The following ODF2L variants were observed in gnomAD, a reference collection of about 807,000 sequenced individuals.
ODF2L encodes protein BCAP.
A neutral mutation model predicts 86.3 loss-of-function variants in ODF2L; 76 were observed. That is an observed-to-expected ratio of 0.88 (90% CI 0.73 to 1.07). The LOEUF (loss-of-function observed/expected upper bound fraction) is 1.07, where lower values mean the gene tolerates loss of function less well. ODF2L is among the 50% of genes least tolerant of loss of function. The pLI is 0.00. For synonymous variants in ODF2L, 241 were observed against 231.3 expected, an observed-to-expected ratio of 1.04 and a Z score of -0.38; for missense variants, 748 against 717.4, an observed-to-expected ratio of 1.04 and a Z score of -0.49.
chr1:86,386,421 G>GCT (rs1034992180), intron 2 of ODF2L: 2 of 141,208 alleles, frequency 1.4e-5, no homozygotes, highest in African/African-American at 5.7e-5. Context: ...TGTCACCCAG[G>GCT]CTCTGTCACC....
intron 13 of ODF2L, chr1:86,357,491 TA>T (rs1281167128): frequency 6.5e-6 from 1 of 153,008 alleles, no homozygotes; most frequent in Non-Finnish European, 1.4e-5. Context: ...TTTCATTAAT[TA>T]AAAAAATATT....
At chr1:86,354,466 A>G in intron 16 of ODF2L, 64 bp downstream of exon 15, 1 of 1,039,750 alleles carries the variant, frequency 9.6e-7, no homozygotes, top group Non-Finnish European at 1.4e-6. Flanking sequence ...AGGTTGCAAG[A>G]TGTTTAAAAA....
chr1:86,394,617 GCAGACCGCGAC>G (rs888474224), intron 1 of ODF2L, among the ~76,000 whole-genome samples: 6 of 152,062 alleles, frequency 3.9e-5, no homozygotes, highest in African/African-American at 1.4e-4. Context: ...AAGAGAGAGA[GCAGACCGCGAC>G]CAGATCACTA....
intron 16 of ODF2L, among the ~76,000 whole-genome samples, chr1:86,353,691 T>C (rs1472724684): frequency 6.6e-6 from 1 of 152,084 alleles, no homozygotes; most frequent in Non-Finnish European, 1.5e-5. Flanking sequence ...ATGAACTCGG[T>C]TCTAAGTTAT....
In ODF2L at chr1:86,360,458, GT is replaced by G. The variant is rs761049141; in HGVS notation, c.1221del (p.Lys407AsnfsTer22). On this transcript the variant is annotated frameshift_variant, in exon 12 of 18. Coordinates refer to ENST00000317336, the Ensembl canonical transcript of ODF2L. LOFTEE classifies it high-confidence loss of function. Reference sequence around the variant, plus strand: ...TTATACATTTCAATAAGGGTTTTCTGTTTTTTTTCTACTTCTTGCAATTCTG... The same window carrying G: ...TTATACATTTCAATAAGGGTTTTCTGTTTTTTTCTACTTCTTGCAATTCTG... The G allele has an allele frequency of 2.0e-5, 31 of 1,577,438 alleles. No homozygotes were observed. Among genetic ancestry groups the G allele is most frequent in the African/African-American group, 1.9e-4 (14 of 73,762 alleles).
chr1:86,367,526 T>C (rs1570384737), intron 11 of ODF2L, among the ~76,000 whole-genome samples: 1 of 123,608 alleles, frequency 8.1e-6, no homozygotes, highest in South Asian at 2.5e-4. Context: ...CTTCAGAGAA[T>C]AGAGATAGGA....
At chr1:86,353,864 G>T (rs555514890) in intron 16 of ODF2L, among the ~76,000 whole-genome samples, 1 of 152,168 alleles carries the variant, frequency 6.6e-6, no homozygotes, top group African/African-American at 2.4e-5. Context: ...GCACTCTCAC[G>T]TGGGCAGAAA....
intron 11 of ODF2L, among the ~76,000 whole-genome samples, chr1:86,362,616 C>T (rs551118434): frequency 2.6e-5 from 4 of 152,002 alleles, no homozygotes; most frequent in Admixed American, 2.0e-4. Context: ...GTGAAGGACA[C>T]GTCAGAACTC....
At chr1:86,370,531 T>C (rs1659718697) in intron 10 of ODF2L, among the ~76,000 whole-genome samples, 1 of 152,188 alleles carries the variant, frequency 6.6e-6, no homozygotes, top group South Asian at 2.1e-4. Flanking sequence ...TCTGGTTGTA[T>C]GTATCTCTGG....
intron 11 of ODF2L, chr1:86,360,961 G>A (rs1040351505): frequency 7.9e-5 from 12 of 152,196 alleles, no homozygotes; most frequent in African/African-American, 2.9e-4. Flanking sequence ...AAAAAAACAG[G>A]TTAACTACCT....
At chr1:86,375,020 A>G (rs1038941248) in intron 8 of ODF2L, 82 of 152,314 alleles carry the variant, frequency 5.4e-4, no homozygotes, top group African/African-American at 1.8e-3. Flanking sequence ...GCAGTGATAA[A>G]TGAAAAAATA....
At chr1:86,369,304 A>T (rs1182673646) in intron 10 of ODF2L, among the ~76,000 whole-genome samples, 1 of 152,194 alleles carries the variant, frequency 6.6e-6, no homozygotes, top group East Asian at 1.9e-4. Flanking sequence ...TGCAATTTTG[A>T]TTTTTTAAAA....
chr1:86,354,807 C>G (rs1278552688), exon 15 of ODF2L: 2 of 1,606,424 alleles, frequency 1.2e-6, no homozygotes, highest in Non-Finnish European at 8.5e-7. Flanking sequence ...CTGAATAAGA[C>G]AGTTTTCCTC....
intron 6 of ODF2L, 72 bp downstream of exon 6, chr1:86,382,859 G>A: frequency 1.3e-6 from 1 of 768,332 alleles, no homozygotes; most frequent in East Asian, 2.5e-5. Context: ...AGGAGTTGGG[G>A]CCAGGATGGG....
exon 8 of ODF2L, chr1:86,376,295 T>G (rs761572188): frequency 6.2e-7 from 1 of 1,613,286 alleles, no homozygotes; most frequent in Non-Finnish European, 8.5e-7. Flanking sequence ...AGCCTTTGTT[T>G]GTAAACTTTA....
At position 86,384,815 on chromosome 1, in the gene ODF2L, A is replaced by G; in HGVS notation, c.247-14T>C. Reference sequence around the variant, plus strand: ...AGAAAGATTCGCCTGACAAATTATAAGAACCACATACACATTTTAAGACAC... The same window carrying G: ...AGAAAGATTCGCCTGACAAATTATAGGAACCACATACACATTTTAAGACAC... On this transcript the variant is annotated splice_polypyrimidine_tract_variant and intron_variant, in intron 3 of 17. Transcript: ENST00000317336. The G allele has an allele frequency of 6.8e-7, 1 of 1,476,956 alleles. No individual in the cohort carries two copies. The highest frequency in any genetic ancestry group is 9.0e-7 in the Non-Finnish European group (1 of 1,116,364). 91.5% of individuals were successfully genotyped at this position (1,476,956 alleles called of 1,614,324 possible).
At chr1:86,376,500 A>C in intron 7 of ODF2L, 82 bp from the exon 8 acceptor site, 1 of 848,472 alleles carries the variant, frequency 1.2e-6, no homozygotes, top group Non-Finnish European at 1.8e-6. Flanking sequence ...TACATAACTG[A>C]TATGGTTTGT....
At chr1:86,355,853 T>C (rs1254091707) in intron 14 of ODF2L, 1 of 155,816 alleles carries the variant, frequency 6.4e-6, no homozygotes, top group East Asian at 1.9e-4. Flanking sequence ...TAAAACTGCC[T>C]TGAAAGTAAA....
intron 11 of ODF2L, among the ~76,000 whole-genome samples, chr1:86,361,530 C>T (rs192703634): frequency 7.7e-4 from 118 of 152,278 alleles, no homozygotes; most frequent in African/African-American, 2.6e-3. Flanking sequence ...AGAGCACTCT[C>T]AAGAGAAGCC....
Sources: allele counts gnomAD v4.1 joint callset (sites outside exome capture counted in the v4.1 genomes callset), GRCh38; gene constraint gnomAD v4.1.1; transcripts MANE v1.5; gene names NCBI Gene and HGNC (gene_info 2026-07-23, HGNC 2026-07-21).